The following FLACC1 variants were observed in gnomAD, a reference collection of about 807,000 sequenced individuals.
The protein encoded by FLACC1 is flagellum associated containing coiled-coil domains 1.
FLACC1 carries 66 observed loss-of-function variants against 62.8 expected under a neutral mutation model. That is an observed-to-expected ratio of 1.05 (90% confidence interval 0.86 to 1.29). The LOEUF (loss-of-function observed/expected upper bound fraction) is 1.29. Ranked by LOEUF, FLACC1 falls within the 50% of genes most tolerant of loss-of-function variation. The pLI, the probability that FLACC1 is intolerant of heterozygous loss-of-function variation, is 0.00. For synonymous variants in FLACC1, 156 were observed against 161.0 expected, an observed-to-expected ratio of 0.97 and a Z score of 0.24; for missense variants, 452 against 489.1, an observed-to-expected ratio of 0.92 and a Z score of 0.71.
At chr2:201,331,408 T>C (rs1467169286) in intron 7 of FLACC1, among the ~76,000 whole-genome samples, 5 of 152,150 alleles carry the variant, frequency 3.3e-5, no homozygotes, top group Admixed American at 3.3e-4. Flanking sequence ...GTCTTGTCTA[T>C]AGCTTGCTCG....
At chr2:201,317,306 A>C (rs1257779811) in intron 9 of FLACC1, among the ~76,000 whole-genome samples, 1 of 152,178 alleles carries the variant, frequency 6.6e-6, no homozygotes, top group Non-Finnish European at 1.5e-5. Context: ...AACCCTAAAG[A>C]TTCCTCCAAA....
In FLACC1 at chr2:201,346,760, T is replaced by C; in HGVS notation, c.235-85A>G. On this transcript the variant is annotated intron_variant, in intron 4 of 14. Coordinates refer to ENST00000392257, the MANE Select transcript of FLACC1 (RefSeq NM_001127391.3). This position sits in a 1 kb window ranked among gnomAD's most constrained non-coding sequence, Gnocchi z 4.0. The stretch of plus-strand genomic sequence containing the variant: ...ATCTTCTCTTATTGCCTCACTCACA[T>C]CTTAAAAACAGGGACCTGGGACTCC... The C allele has an allele frequency of 6.4e-7, 1 of 1,563,220 alleles. No individual in the cohort carries two copies. Among genetic ancestry groups the C allele is most frequent in the Non-Finnish European group, 8.7e-7 (1 of 1,148,136 alleles).
chr2:201,289,891 T>C (rs201216542), intron 12 of FLACC1, 106 bp from the exon 13 acceptor site: 1 of 1,591,428 alleles, frequency 6.3e-7, no homozygotes, highest in Non-Finnish European at 8.6e-7. Context: ...TGAGCTACTT[T>C]TGCATCACTC....
upstream of FLACC1, among the ~76,000 whole-genome samples, chr2:201,361,348 AGTAAG>A (rs931248523): frequency 7.2e-5 from 11 of 152,260 alleles, no homozygotes; most frequent in South Asian, 2.1e-4. Flanking sequence ...GGGCAGCAGC[AGTAAG>A]GTAAGAGGAA....
intron 12 of FLACC1, among the ~76,000 whole-genome samples, chr2:201,294,506 T>A (rs551137760): frequency 1.3e-5 from 2 of 152,330 alleles, no homozygotes; most frequent in East Asian, 1.9e-4. Context: ...AAATTAGGTA[T>A]TGGTGGGACG....
intron 12 of FLACC1, among the ~76,000 whole-genome samples, chr2:201,291,698 G>C (rs967885551): frequency 7.2e-5 from 11 of 152,232 alleles, no homozygotes; most frequent in African/African-American, 2.7e-4. Context: ...CGAGTTGAGA[G>C]AAGAAGGCTT....
chr2:201,339,663 T>C (rs1029370189), intron 7 of FLACC1, among the ~76,000 whole-genome samples: 36 of 152,178 alleles, frequency 2.4e-4, no homozygotes, highest in African/African-American at 8.7e-4. Flanking sequence ...CATTGTTCTA[T>C]TGGTCATTCA....
Position 201,346,799 on chromosome 2 carries a change from T to C in FLACC1, c.235-124A>G. On this transcript the variant is annotated intron_variant, in intron 4 of 14. Transcript: ENST00000392257. This position sits in a 1 kb window ranked among gnomAD's most constrained non-coding sequence, Gnocchi z 4.0. ...ACCTGGGACTCCACAGCCCAAGCCCTTCTGGGCCCTTCACCCATTATAGCT... is the reference window on the plus strand; with the variant it reads ...ACCTGGGACTCCACAGCCCAAGCCCCTCTGGGCCCTTCACCCATTATAGCT... 1 of 1,169,130 alleles carries C rather than the reference T, an allele frequency of 8.6e-7. No homozygotes were observed. 72.4% of individuals were successfully genotyped at this position (1,169,130 alleles called of 1,614,324 possible).
At chr2:201,291,593 A>G (rs2125532760) in intron 12 of FLACC1, among the ~76,000 whole-genome samples, 1 of 152,334 alleles carries the variant, frequency 6.6e-6, no homozygotes, top group African/African-American at 2.4e-5. Flanking sequence ...GAGCAGAAAA[A>G]CTGAAAATTC....
At chr2:201,318,539 A>T (rs1360377690) in intron 9 of FLACC1, among the ~76,000 whole-genome samples, 1 of 152,196 alleles carries the variant, frequency 6.6e-6, no homozygotes, top group Non-Finnish European at 1.5e-5. Context: ...TCAAAACCAC[A>T]ATGAGATACC....
At chr2:201,293,699 CA>C (rs1204864811) in intron 12 of FLACC1, among the ~76,000 whole-genome samples, 7 of 151,678 alleles carry the variant, frequency 4.6e-5, no homozygotes, top group South Asian at 2.1e-4. Flanking sequence ...GATAGAGACA[CA>C]AAAAACCCTT....
chr2:201,326,526 C>T lies in FLACC1; in HGVS notation c.675+3944G>A, dbSNP rs149905871. Among the ~76,000 whole-genome samples the T allele has an allele frequency of 3.2e-3, 484 of 152,200 alleles. 1 individual carries two copies. The highest frequency in any genetic ancestry group is 0.01 in the Middle Eastern group (3 of 294). On this transcript the variant is annotated intron_variant, in intron 9 of 14. Transcript: ENST00000392257. This position sits in a 1 kb window ranked among gnomAD's most constrained non-coding sequence, Gnocchi z 4.1. ...CAGTAGCACTGCTATACGCTAACAA[C>T]GACCAAGCTGAGAATCAAAAAAAGA...
chr2:201,320,079 GA>G (rs535810957), intron 9 of FLACC1, among the ~76,000 whole-genome samples: 1 of 152,220 alleles, frequency 6.6e-6, no homozygotes, highest in East Asian at 1.9e-4. Context: ...GAGGGATGTG[GA>G]ATATAAAAGT....
At chr2:201,344,367 A>G in intron 5 of FLACC1, 104 bp from the exon 6 acceptor site, 1 of 761,524 alleles carries the variant, frequency 1.3e-6, no homozygotes, top group Non-Finnish European at 2.2e-6. Context: ...TGGCCTGGTG[A>G]GAGCTGGCCA....
At position 201,324,515 on chromosome 2, in the gene FLACC1, G is replaced by A. The variant is rs1209850559; in HGVS notation, c.675+5955C>T. ...CATGCTAAAACAAATGAACATAACA[G>A]CTATTTACAGAACATTCTACCCAAG... On this transcript the variant is annotated intron_variant, in intron 9 of 14. Transcript: ENST00000392257. Among the ~76,000 whole-genome samples, 11 of 152,108 alleles carry A rather than the reference G, an allele frequency of 7.2e-5. No homozygotes were observed. In the East Asian group the frequency reaches 2.1e-3, roughly 29 times the overall value.
Position 201,309,199 on chromosome 2 carries a change from A to G in FLACC1, c.727T>C (p.Trp243Arg). 6.2e-7 allele frequency: 1 copy of G among 1,614,002 alleles called. No homozygotes were observed. The highest frequency in any genetic ancestry group is 1.1e-5 in the South Asian group (1 of 91,078). ...EEKWSKQKAKWKKDEKFEREN... is the reference protein window; with the variant it reads ...EEKWSKQKAKRKKDEKFEREN... ...CGCTCGAACTTCTCATCCTTCTTCC[A>G]TTTCGCCTTCTGTTTTGACCACTTC... Residue 243 changes from tryptophan (W) to arginine (R), a missense_variant, in exon 10 of 15, where the codon TGG becomes CGG. By Grantham distance (101) the Trp-to-Arg change is moderately radical (BLOSUM62 -3). This residue lies in a region of FLACC1 where 301 missense variants were observed against 318.4 expected (regional missense o/e 0.95). Coordinates refer to ENST00000392257, the MANE Select transcript of FLACC1 (RefSeq NM_001127391.3).
chr2:201,307,429 AG>A, intron 11 of FLACC1, 89 bp downstream of exon 11: 2 of 924,762 alleles, frequency 2.2e-6, no homozygotes, highest in Non-Finnish European at 3.5e-6. Flanking sequence ...AAAGACAAAA[AG>A]ATCACCTAAT....
At chr2:201,349,516 G>A (rs1369742490) in intron 3 of FLACC1, among the ~76,000 whole-genome samples, 2 of 152,180 alleles carry the variant, frequency 1.3e-5, no homozygotes, top group East Asian at 3.8e-4. Flanking sequence ...TAAGTGCCAG[G>A]AGAGTGGAGA....
At chr2:201,294,395 A>G (rs1012796042) in intron 12 of FLACC1, among the ~76,000 whole-genome samples, 2 of 152,362 alleles carry the variant, frequency 1.3e-5, no homozygotes, top group South Asian at 2.1e-4. Flanking sequence ...GTAATCCAGC[A>G]TATAAACCGA....
Sources: allele counts gnomAD v4.1 joint callset (sites outside exome capture counted in the v4.1 genomes callset), GRCh38; gene constraint gnomAD v4.1.1; regional missense constraint gnomAD v4.1.1; non-coding constraint Gnocchi (gnomAD v3.1); transcripts MANE v1.5; gene names NCBI Gene and HGNC (gene_info 2026-07-23, HGNC 2026-07-21).